Variants in CADM2 observed in about 807,000 individuals in gnomAD.
CADM2 encodes the protein immunoglobulin superfamily member 4D.
A neutral mutation model predicts 49.8 loss-of-function variants in CADM2; 12 were observed. The ratio of observed to expected loss-of-function variants is 0.24; its 90% confidence interval spans 0.15 to 0.39. The LOEUF (loss-of-function observed/expected upper bound fraction) is 0.39. Among genes scored for constraint, CADM2 ranks in the 10% least tolerant of loss-of-function variants. CADM2 has a pLI of 1.00. For synonymous variants in CADM2, 214 were observed against 175.4 expected (o/e 1.22, Z -1.74); for missense variants, 378 against 492.3 (o/e 0.77, Z 2.20).
chr3:85,170,730 C>G (rs2040603092), intron 1 of CADM2, among the ~76,000 whole-genome samples: 1 of 152,182 alleles, frequency 6.6e-6, no homozygotes, highest in Non-Finnish European at 1.5e-5. Flanking sequence ...TTGGACAAAG[C>G]TGACCCAAAT....
At chr3:85,768,724 TATATATACAC>T (rs59985967) in intron 2 of CADM2, among the ~76,000 whole-genome samples, 4,562 of 143,090 alleles carry the variant, frequency 0.032, 255 homozygotes, top group African/African-American at 0.11. Context: ...ACACATATAG[TATATATACAC>T]ATATATACAC....
intron 8 of CADM2, among the ~76,000 whole-genome samples, chr3:86,029,865 G>A (rs560629174): frequency 6.6e-6 from 1 of 152,028 alleles, no homozygotes; most frequent in African/African-American, 2.4e-5. Context: ...TCATCAAGAT[G>A]GAATCCACAG....
At chr3:85,125,531 T>A (rs1417651080) in intron 1 of CADM2, among the ~76,000 whole-genome samples, 1 of 152,030 alleles carries the variant, frequency 6.6e-6, no homozygotes, top group East Asian at 1.9e-4. Context: ...GTTAATTTCT[T>A]CTATTTTTCG....
chr3:85,242,272 C>T (rs1175128336), intron 1 of CADM2, among the ~76,000 whole-genome samples: 1 of 150,304 alleles, frequency 6.7e-6, no homozygotes, highest in Admixed American at 6.6e-5. Flanking sequence ...TTTAGTTTTA[C>T]TGTTACTGTT....
chr3:85,568,534 CTTTT>C (rs1430713290), intron 1 of CADM2, among the ~76,000 whole-genome samples: 16 of 127,222 alleles, frequency 1.3e-4, no homozygotes, highest in African/African-American at 2.0e-4. Flanking sequence ...CTCCCTCTCT[CTTTT>C]CTTTCTTTCT....
chr3:85,733,351 G>T (rs891394135), intron 2 of CADM2, among the ~76,000 whole-genome samples: 1 of 152,176 alleles, frequency 6.6e-6, no homozygotes, highest in Non-Finnish European at 1.5e-5. Context: ...AGTAATTTTA[G>T]TTGTTTCTAA....
At chr3:85,738,984 T>C (rs527345179) in intron 2 of CADM2, among the ~76,000 whole-genome samples, 1 of 152,246 alleles carries the variant, frequency 6.6e-6, no homozygotes, top group East Asian at 1.9e-4. Flanking sequence ...TTAACAGATA[T>C]ATCAATCTCA....
intron 1 of CADM2, among the ~76,000 whole-genome samples, chr3:85,102,088 A>G (rs901852421): frequency 2.6e-5 from 4 of 152,162 alleles, no homozygotes; most frequent in Non-Finnish European, 5.9e-5. Flanking sequence ...ATAAATAAAA[A>G]AAGTCTTATG....
At chr3:85,405,663 GC>G (rs1162504197) in intron 1 of CADM2, among the ~76,000 whole-genome samples, 38 of 152,032 alleles carry the variant, frequency 2.5e-4, no homozygotes, top group Admixed American at 2.2e-3. Flanking sequence ...AAATTAAAAA[GC>G]CTTGATTCCG....
intron 2 of CADM2, among the ~76,000 whole-genome samples, chr3:85,776,835 C>A (rs1260044918): frequency 6.6e-6 from 1 of 151,570 alleles, no homozygotes; most frequent in Non-Finnish European, 1.5e-5. Flanking sequence ...TAAATATTAC[C>A]AAGTCAAAAG....
chr3:85,256,004 CTG>C (rs1247418372), intron 1 of CADM2, among the ~76,000 whole-genome samples: 1 of 152,016 alleles, frequency 6.6e-6, no homozygotes, highest in Non-Finnish European at 1.5e-5. Context: ...AGCACCTAGA[CTG>C]TACTGAGAAT....
At chr3:86,003,819 G>A (rs1730461245) in intron 8 of CADM2, among the ~76,000 whole-genome samples, 1 of 152,190 alleles carries the variant, frequency 6.6e-6, no homozygotes, top group African/African-American at 2.4e-5. Context: ...AAAGTGGAGA[G>A]CAAAGATTAC....
intron 3 of CADM2, among the ~76,000 whole-genome samples, chr3:85,837,533 A>C (rs1480203760): frequency 1.3e-5 from 2 of 151,666 alleles, no homozygotes; most frequent in Non-Finnish European, 3.0e-5. Context: ...CACTTTGTAC[A>C]AAGTGGAGAT....
chr3:85,188,144 A>G (rs1695029819), intron 1 of CADM2, among the ~76,000 whole-genome samples: 1 of 152,102 alleles, frequency 6.6e-6, no homozygotes, highest in African/African-American at 2.4e-5. Context: ...TTCATTGGAT[A>G]TGATTTAATT....
intron 3 of CADM2, among the ~76,000 whole-genome samples, chr3:85,815,466 A>G (rs2073152479): frequency 6.6e-6 from 1 of 152,196 alleles, no homozygotes; most frequent in Admixed American, 6.6e-5. Flanking sequence ...AATGTAATCC[A>G]ACTCATAAAC....
intron 2 of CADM2, among the ~76,000 whole-genome samples, chr3:85,757,377 C>T (rs2069170844): frequency 6.6e-6 from 1 of 151,936 alleles, no homozygotes. Context: ...AAACATGGCT[C>T]ATGTACTTAA....
rs1413915953 is a variant in CADM2, at chr3:86,073,606, G to A, written c.*6823G>A. 6.6e-6 allele frequency: 1 copy of A among 151,846 alleles called. No individual in the cohort carries two copies. Among genetic ancestry groups the A allele is most frequent in the Non-Finnish European group, 1.5e-5 (1 of 67,852 alleles). The allele number at this position is 151,846 out of a possible 1,614,324, so 9.4% of individuals were successfully genotyped here. On this transcript the variant is annotated 3_prime_UTR_variant, in exon 10 of 10. Transcript: ENST00000383699. ...AGTAAAGTCTTGTCAGAAAAAAATT[G>A]TCTGATAAATATGGAAAAATAAAAT...
intron 8 of CADM2, among the ~76,000 whole-genome samples, chr3:85,987,785 A>G (rs1159656433): frequency 1.3e-5 from 2 of 150,834 alleles, no homozygotes; most frequent in African/African-American, 4.9e-5. Flanking sequence ...GTGAGTTATT[A>G]TTAATCTGTT....
chr3:85,020,959 C>T (rs931903261), intron 1 of CADM2, among the ~76,000 whole-genome samples: 3 of 151,348 alleles, frequency 2.0e-5, no homozygotes, highest in Non-Finnish European at 4.4e-5. Context: ...TCTTTAGAAA[C>T]GAAGCTGCTG....
Sources: allele counts gnomAD v4.1 joint callset (sites outside exome capture counted in the v4.1 genomes callset), GRCh38; gene constraint gnomAD v4.1.1; transcripts MANE v1.5; gene names NCBI Gene and HGNC (gene_info 2026-07-23, HGNC 2026-07-21).